LRRC4C: variants seen among roughly 807,000 people sequenced by gnomAD.
LRRC4C encodes leucine rich repeat containing 4C, also known as leucine-rich repeat-containing protein 4C.
LRRC4C carries 5 observed loss-of-function variants against 33.6 expected under a neutral mutation model. The observed-to-expected ratio is 0.15, with a 90% CI of 0.08 to 0.31. The LOEUF is 0.31. Ranked by LOEUF, LRRC4C falls within the 10% of genes least tolerant of loss-of-function variation. The pLI is 1.00. For synonymous variants in LRRC4C, 329 were observed against 302.0 expected (o/e 1.09, Z -0.93); for missense variants, 560 against 796.7 (o/e 0.70, Z 3.58).
intron 1 of LRRC4C, among the ~76,000 whole-genome samples, chr11:40,994,767 G>A (rs1465393610): frequency 1.3e-5 from 2 of 151,292 alleles, no homozygotes; most frequent in Admixed American, 6.6e-5. Flanking sequence ...CTTTACTCTC[G>A]CCGGTTTTTT....
At chr11:40,746,064 T>G (rs1948401748) in intron 2 of LRRC4C, among the ~76,000 whole-genome samples, 1 of 151,902 alleles carries the variant, frequency 6.6e-6, no homozygotes, top group African/African-American at 2.4e-5. Context: ...ACTAAAGCAA[T>G]GAAGGAGGAG....
At chr11:41,342,488 G>T (rs941926445) in intron 1 of LRRC4C, among the ~76,000 whole-genome samples, 1 of 152,144 alleles carries the variant, frequency 6.6e-6, no homozygotes, top group African/African-American at 2.4e-5. Flanking sequence ...GCTGAGGGGG[G>T]TGGACCACTT....
intron 5 of LRRC4C, among the ~76,000 whole-genome samples, chr11:40,184,267 C>A (rs1861235729): frequency 6.6e-6 from 1 of 151,900 alleles, no homozygotes; most frequent in Admixed American, 6.6e-5. Flanking sequence ...AAGCTGAAGC[C>A]CATGTTAGTG....
At chr11:40,925,431 A>G (rs1211718805) in intron 2 of LRRC4C, among the ~76,000 whole-genome samples, 1 of 152,128 alleles carries the variant, frequency 6.6e-6, no homozygotes, top group Non-Finnish European at 1.5e-5. Flanking sequence ...AGTATCTGCT[A>G]CCTCAGCCTG....
chr11:41,411,140 C>CTTTTTTTTTTTTT (rs1249968357), intron 1 of LRRC4C, among the ~76,000 whole-genome samples: 15 of 49,902 alleles, frequency 3.0e-4, no homozygotes, highest in Admixed American at 9.8e-4. Context: ...GGTTGGTACC[C>CTTTTTTTTTTTTT]TATTTTTTTT....
chr11:41,174,071 C>T (rs923480439), intron 1 of LRRC4C, among the ~76,000 whole-genome samples: 6 of 151,878 alleles, frequency 4.0e-5, no homozygotes, highest in Admixed American at 1.3e-4. Context: ...CAACAGATGA[C>T]CAATGAAATC....
intron 2 of LRRC4C, among the ~76,000 whole-genome samples, chr11:40,759,805 C>T (rs1273668043): frequency 6.6e-6 from 1 of 151,686 alleles, no homozygotes; most frequent in Non-Finnish European, 1.5e-5. Context: ...GCCAACTTCC[C>T]TAAAGCAGTT....
chr11:40,806,312 A>C (rs564327950), intron 2 of LRRC4C, among the ~76,000 whole-genome samples: 2 of 152,314 alleles, frequency 1.3e-5, no homozygotes, highest in South Asian at 4.1e-4. Flanking sequence ...CCTTCTCTTC[A>C]TGTCTGTCTC....
At chr11:40,401,705 G>A (rs1380201347) in intron 3 of LRRC4C, among the ~76,000 whole-genome samples, 1 of 152,118 alleles carries the variant, frequency 6.6e-6, no homozygotes, top group Non-Finnish European at 1.5e-5. Context: ...CCCACTGCAT[G>A]TGCACATTTT....
At chr11:40,706,408 A>T (rs573361121) in intron 2 of LRRC4C, among the ~76,000 whole-genome samples, 1 of 152,312 alleles carries the variant, frequency 6.6e-6, no homozygotes, top group Non-Finnish European at 1.5e-5. Flanking sequence ...GAAGGGATCC[A>T]GTTTCAGCTT....
chr11:40,784,067 G>A (rs545005681), intron 2 of LRRC4C, among the ~76,000 whole-genome samples: 53 of 131,146 alleles, frequency 4.0e-4, no homozygotes, highest in Non-Finnish European at 6.5e-4. Context: ...AGTTTCTAAT[G>A]AAAGATGTTT....
chr11:40,365,595 T>C (rs866243549), intron 3 of LRRC4C, among the ~76,000 whole-genome samples: 1 of 152,122 alleles, frequency 6.6e-6, no homozygotes, highest in Middle Eastern at 3.4e-3. Context: ...AGTAGAAGGA[T>C]GTGTTAACCA....
intron 2 of LRRC4C, among the ~76,000 whole-genome samples, chr11:40,850,183 G>T (rs1953411848): frequency 3.3e-5 from 5 of 151,892 alleles, no homozygotes; most frequent in South Asian, 4.2e-4. Context: ...TGCTGGTGAG[G>T]AGTTGTGATC....
chr11:41,097,507 A>G (rs1189780816), intron 1 of LRRC4C, among the ~76,000 whole-genome samples: 3 of 152,158 alleles, frequency 2.0e-5, no homozygotes, highest in Admixed American at 6.5e-5. Flanking sequence ...TCCCAAGATG[A>G]GAAATGTGAG....
chr11:40,739,635 G>C (rs1948062010), intron 2 of LRRC4C, among the ~76,000 whole-genome samples: 2 of 152,006 alleles, frequency 1.3e-5, no homozygotes, highest in Admixed American at 6.6e-5. Context: ...ATTGCATCAT[G>C]GTGGCGGTTT....
At chr11:40,789,414 A>G (rs1950544010) in intron 2 of LRRC4C, among the ~76,000 whole-genome samples, 1 of 152,084 alleles carries the variant, frequency 6.6e-6, no homozygotes, top group Non-Finnish European at 1.5e-5. Context: ...TCTCTCTCCC[A>G]CTTTTTATGC....
Position 40,894,006 on chromosome 11 carries a change from C to A in LRRC4C, c.-407+39629G>T, listed in dbSNP as rs183674882. Among the ~76,000 whole-genome samples the A allele has an allele frequency of 4.3e-3, 648 of 152,174 alleles. 3 individuals are homozygous for A. Among genetic ancestry groups the A allele is most frequent in the Non-Finnish European group, 5.1e-3 (349 of 67,958 alleles). On this transcript the variant is annotated intron_variant, in intron 2 of 6. Coordinates refer to ENST00000528697, the MANE Select transcript of LRRC4C (RefSeq NM_001258419.2). Reference sequence around the variant, plus strand: ...CTTCAGTTAACCCCAAGATCATAAACCTGCATGTTTTTGACAAATTAATAT... The same window carrying A: ...CTTCAGTTAACCCCAAGATCATAAAACTGCATGTTTTTGACAAATTAATAT...
intron 1 of LRRC4C, among the ~76,000 whole-genome samples, chr11:41,056,807 T>C (rs1233209026): frequency 6.6e-6 from 1 of 152,246 alleles, no homozygotes; most frequent in Non-Finnish European, 1.5e-5. Flanking sequence ...CATATACTGC[T>C]GGTAATGGCA....
intron 2 of LRRC4C, among the ~76,000 whole-genome samples, chr11:40,769,774 A>G (rs1949665275): frequency 1.3e-5 from 2 of 152,332 alleles, no homozygotes; most frequent in South Asian, 2.1e-4. Context: ...ACTGATATCC[A>G]TATGCAGTAG....
Sources: gnomAD v4.1 joint callset for allele counts (sites outside exome capture counted in the v4.1 genomes callset) on GRCh38, gnomAD v4.1.1 for gene constraint, MANE v1.5 for transcripts, NCBI Gene and HGNC (gene_info 2026-07-23, HGNC 2026-07-21) for gene names.